FCHO2: variants seen among roughly 807,000 people sequenced by gnomAD.
The protein encoded by FCHO2 is FCH and mu domain containing endocytic adaptor 2.
A neutral mutation model predicts 114.1 loss-of-function variants in FCHO2; 43 were observed. That is an observed-to-expected ratio of 0.38 (90% CI 0.30 to 0.49). FCHO2 has a LOEUF of 0.49. FCHO2 is among the 20% of genes least tolerant of loss of function. FCHO2 has a pLI of 0.97. For missense variants in FCHO2, 807 were observed against 950.4 expected, an observed-to-expected ratio of 0.85 and a Z score of 1.98; for synonymous variants, 293 against 315.2, an observed-to-expected ratio of 0.93 and a Z score of 0.75.
intron 5 of FCHO2, among the ~76,000 whole-genome samples, chr5:73,003,024 T>G (rs1306259546): frequency 6.6e-6 from 1 of 152,178 alleles, no homozygotes. Flanking sequence ...TGTTTTTTTG[T>G]TTTTTGAGTC....
intron 24 of FCHO2, among the ~76,000 whole-genome samples, chr5:73,086,646 T>A (rs1031185312): frequency 6.6e-6 from 1 of 152,216 alleles, no homozygotes; most frequent in Non-Finnish European, 1.5e-5. Flanking sequence ...CTGTTTTGAC[T>A]TGCAGTTGGT....
intron 11 of FCHO2, among the ~76,000 whole-genome samples, chr5:73,048,898 A>T (rs1305545230): frequency 1.8e-5 from 2 of 113,784 alleles, no homozygotes; most frequent in Non-Finnish European, 1.7e-5. Flanking sequence ...TTTTTTTGAG[A>T]CGGAGTCTCG....
At chr5:73,020,938 T>G in intron 8 of FCHO2, 1 of 1,581,000 alleles carries the variant, frequency 6.3e-7, no homozygotes, top group Non-Finnish European at 8.7e-7. Flanking sequence ...AAAAGCAAAC[T>G]GCAGTTTGTT....
chr5:72,989,796 TTGTC>T (rs1231421621), intron 3 of FCHO2, among the ~76,000 whole-genome samples: 1 of 152,302 alleles, frequency 6.6e-6, no homozygotes, highest in East Asian at 1.9e-4. Flanking sequence ...TTTATTCTAG[TTGTC>T]TGTAAGTTCC....
At chr5:72,962,266 G>A (rs1362602570) in intron 1 of FCHO2, among the ~76,000 whole-genome samples, 1 of 152,062 alleles carries the variant, frequency 6.6e-6, no homozygotes. Context: ...ACATTTGAAA[G>A]GATATAAATT....
At position 73,037,124 on chromosome 5, in the gene FCHO2, A is replaced by C; in HGVS notation, c.842-19A>C. 1 of 1,449,656 alleles carries C rather than the reference A, an allele frequency of 6.9e-7. No individual in the cohort carries two copies. Among genetic ancestry groups the C allele is most frequent in the South Asian group, 1.3e-5 (1 of 77,688 alleles). The allele number at this position is 1,449,656 out of a possible 1,614,324, so 89.8% of individuals were successfully genotyped here. On this transcript the variant is annotated intron_variant, in intron 9 of 25. Coordinates refer to ENST00000430046, the MANE Select transcript of FCHO2 (RefSeq NM_138782.3). The stretch of plus-strand genomic sequence containing the variant: ...CAGGAATGTTTATGTTTCTGTAACA[A>C]TATATATTTATTTTAAAGGTATAAA...
intron 20 of FCHO2, among the ~76,000 whole-genome samples, chr5:73,075,167 A>T (rs1377330301): frequency 6.6e-6 from 1 of 152,198 alleles, no homozygotes; most frequent in Non-Finnish European, 1.5e-5. Context: ...ATATCAAAGA[A>T]ACAGCTGTAT....
At chr5:72,964,659 A>T (rs1385092319) in intron 1 of FCHO2, among the ~76,000 whole-genome samples, 1 of 152,170 alleles carries the variant, frequency 6.6e-6, no homozygotes, top group Non-Finnish European at 1.5e-5. Context: ...AAGTGCTGGG[A>T]TTACAGGTGT....
At chr5:73,053,288 A>T in intron 13 of FCHO2, among the ~76,000 whole-genome samples, 1 of 152,194 alleles carries the variant, frequency 6.6e-6, no homozygotes, top group Non-Finnish European at 1.5e-5. Context: ...GTACTTCAGA[A>T]TTTAGTTTCA....
At position 73,078,213 on chromosome 5, in the gene FCHO2, T is replaced by A. The variant is rs775807760; in HGVS notation, c.1881T>A (p.Asp627Glu). 28 of 1,576,482 alleles carry A rather than the reference T, an allele frequency of 1.8e-5. 1 individual carries two copies. The South Asian group carries it at 3.3e-4, about 19-fold the overall frequency. Residue 627 changes from aspartate (D) to glutamate (E), a missense_variant, in exon 22 of 26, where the codon GAT becomes GAA. Physicochemically the swap from Asp to Glu is conservative, Grantham distance 45 (BLOSUM62 2). Transcript: ENST00000430046. ...DPSQCDSNTK[D>E]FWMNMQAVTV... ...CACAATGTGATTCCAACACAAAAGATTTTTGGATGAACATGCAAGCTGTTA... is the reference window on the plus strand; with the variant it reads ...CACAATGTGATTCCAACACAAAAGAATTTTGGATGAACATGCAAGCTGTTA...
At chr5:73,026,470 C>CA (rs962267845) in intron 8 of FCHO2, among the ~76,000 whole-genome samples, 90 of 140,162 alleles carry the variant, frequency 6.4e-4, no homozygotes, top group East Asian at 4.1e-3. Flanking sequence ...GATTCCGTCT[C>CA]AAAAAAAAAA....
chr5:73,087,821 A>G, intron 25 of FCHO2, 68 bp downstream of exon 25: 5 of 1,513,062 alleles, frequency 3.3e-6, no homozygotes, highest in Non-Finnish European at 4.4e-6. Context: ...GTTATTAAAA[A>G]ACTGTCAAGC....
chr5:73,040,040 TTCC>T (rs1253619192), intron 10 of FCHO2, among the ~76,000 whole-genome samples: 2 of 152,142 alleles, frequency 1.3e-5, no homozygotes, highest in Non-Finnish European at 2.9e-5. Flanking sequence ...TGTAGTCATC[TTCC>T]TCCTTTTTAA....
intron 3 of FCHO2, among the ~76,000 whole-genome samples, chr5:72,990,225 T>C (rs1045190853): frequency 6.6e-6 from 1 of 151,996 alleles, no homozygotes; most frequent in Non-Finnish European, 1.5e-5. Flanking sequence ...TTAATATAAT[T>C]AAGAGGGTTA....
chr5:73,085,999 G>A (rs1450856721), intron 24 of FCHO2, among the ~76,000 whole-genome samples: 5 of 151,696 alleles, frequency 3.3e-5, no homozygotes, highest in African/African-American at 1.2e-4. Flanking sequence ...GTGTGCGCCT[G>A]TAATCCCAGA....
intron 8 of FCHO2, chr5:73,021,217 A>T: frequency 1.4e-6 from 1 of 735,732 alleles, no homozygotes. Flanking sequence ...TGTGGGAAAA[A>T]CTGATCTTCT....
At chr5:73,082,969 G>A (rs1030958123) in intron 24 of FCHO2, 144 bp downstream of exon 24, 2 of 640,280 alleles carry the variant, frequency 3.1e-6, no homozygotes, top group African/African-American at 3.7e-5. Flanking sequence ...CGCCTGCTGG[G>A]TTCAAGCGAT....
chr5:73,065,593 T>C (rs966277051), intron 18 of FCHO2, among the ~76,000 whole-genome samples: 2 of 152,066 alleles, frequency 1.3e-5, no homozygotes, highest in Admixed American at 1.3e-4. Flanking sequence ...AGTTAATACA[T>C]GTAAAACAGA....
chr5:73,078,574 A>G (rs1267716562), intron 22 of FCHO2, among the ~76,000 whole-genome samples: 1 of 152,234 alleles, frequency 6.6e-6, no homozygotes, highest in African/African-American at 2.4e-5. Context: ...TATCAGTCTT[A>G]ACAATGAAAC....
Sources: gnomAD v4.1 joint callset for allele counts (sites outside exome capture counted in the v4.1 genomes callset) on GRCh38, gnomAD v4.1.1 for gene constraint, MANE v1.5 for transcripts, NCBI Gene and HGNC (gene_info 2026-07-23, HGNC 2026-07-21) for gene names.